ATG10: variants seen among roughly 807,000 people sequenced by gnomAD.
ATG10 encodes autophagy related 10.
In ATG10, 30 loss-of-function variants were observed where a neutral mutation model predicts 32.1. The observed-to-expected ratio is 0.94, with a 90% confidence interval of 0.70 to 1.27. ATG10 has a LOEUF of 1.27. Among genes scored for constraint, ATG10 ranks in the 50% most tolerant of loss-of-function variants. The probability of loss-of-function intolerance (pLI) is 0.00; values close to 1 mark genes in which losing one functional copy is unlikely to be tolerated. For missense variants in ATG10, 233 were observed against 262.3 expected (o/e 0.89, Z 0.77); for synonymous variants, 87 against 91.5 (o/e 0.95, Z 0.28).
At chr5:82,090,697 C>T (rs1764852668) in intron 3 of ATG10, among the ~76,000 whole-genome samples, 1 of 152,048 alleles carries the variant, frequency 6.6e-6, no homozygotes, top group African/African-American at 2.4e-5. Context: ...ATCAGTGTAT[C>T]AGTGCACTGC....
chr5:82,218,976 A>G lies in ATG10; in HGVS notation c.454-33586A>G, dbSNP rs1581816407. ...TACATGTCTCAGAGAAGATTGTCTC[A>G]GGTTGTTTTGAGACATATCAACAGT... On this transcript the variant is annotated intron_variant, in intron 5 of 7. Transcript: ENST00000282185. 2.0e-5 allele frequency among the ~76,000 whole-genome samples: 3 copies of G among 152,302 alleles called. No homozygotes were observed. In the East Asian group the frequency reaches 5.8e-4, roughly 29 times the overall value.
At chr5:82,218,240 C>G (rs534853078) in intron 5 of ATG10, among the ~76,000 whole-genome samples, 4 of 152,274 alleles carry the variant, frequency 2.6e-5, no homozygotes, top group Non-Finnish European at 1.5e-5. Context: ...AGTTTATAGC[C>G]CCACAGATTA....
At chr5:82,119,802 A>C (rs1402871520) in intron 3 of ATG10, among the ~76,000 whole-genome samples, 1 of 152,132 alleles carries the variant, frequency 6.6e-6, no homozygotes, top group Non-Finnish European at 1.5e-5. Flanking sequence ...TAAATACCAC[A>C]ATCTTGTTTT....
intron 1 of ATG10, among the ~76,000 whole-genome samples, chr5:81,980,277 T>C (rs187708092): frequency 5.7e-4 from 87 of 152,302 alleles, no homozygotes; most frequent in Non-Finnish European, 1.0e-3. Context: ...ATATTCCTAG[T>C]GTAAGTCCAT....
At chr5:82,048,674 T>C (rs1037902712) in intron 2 of ATG10, among the ~76,000 whole-genome samples, 2 of 151,842 alleles carry the variant, frequency 1.3e-5, no homozygotes, top group Admixed American at 6.6e-5. Flanking sequence ...ATATCCAGAA[T>C]CTACAATGGA....
At chr5:82,232,977 C>T (rs1746425645) in intron 5 of ATG10, among the ~76,000 whole-genome samples, 1 of 152,148 alleles carries the variant, frequency 6.6e-6, no homozygotes, top group Non-Finnish European at 1.5e-5. Flanking sequence ...ACATCTAGTT[C>T]ACTCCCTTCT....
intron 2 of ATG10, among the ~76,000 whole-genome samples, chr5:82,045,066 G>T (rs1020130306): frequency 6.6e-6 from 1 of 152,098 alleles, no homozygotes; most frequent in Non-Finnish European, 1.5e-5. Flanking sequence ...TTTCTCTAGC[G>T]GGGATACTTA....
chr5:82,161,586 A>C (rs1234322489), intron 3 of ATG10, among the ~76,000 whole-genome samples: 1 of 152,048 alleles, frequency 6.6e-6, no homozygotes, highest in Non-Finnish European at 1.5e-5. Flanking sequence ...CTATTTCTGC[A>C]CTTTTCTATA....
At chr5:81,999,903 A>G (rs1761800344) in intron 2 of ATG10, among the ~76,000 whole-genome samples, 1 of 152,232 alleles carries the variant, frequency 6.6e-6, no homozygotes, top group Non-Finnish European at 1.5e-5. Flanking sequence ...ACCAACCAGT[A>G]AAAGCCCAGG....
At chr5:82,128,918 G>C (rs1766393703) in intron 3 of ATG10, among the ~76,000 whole-genome samples, 1 of 151,662 alleles carries the variant, frequency 6.6e-6, no homozygotes. Flanking sequence ...TTGCTAGGTT[G>C]GGGATGTTCT....
intron 3 of ATG10, among the ~76,000 whole-genome samples, chr5:82,106,941 A>T (rs1765462418): frequency 6.6e-6 from 1 of 151,968 alleles, no homozygotes; most frequent in South Asian, 2.1e-4. Context: ...AGTATAGAAA[A>T]GGTTCTTTCA....
At chr5:81,995,990 A>G (rs1311743771) in intron 2 of ATG10, among the ~76,000 whole-genome samples, 1 of 152,188 alleles carries the variant, frequency 6.6e-6, no homozygotes, top group Non-Finnish European at 1.5e-5. Flanking sequence ...GATCTAGATA[A>G]CTAGTTGCGA....
At position 82,009,979 on chromosome 5, in the gene ATG10, G is replaced by A; in HGVS notation, c.108+22301G>A. 8 of 1,611,566 alleles carry A rather than the reference G, an allele frequency of 5.0e-6. No individual in the cohort carries two copies. In the South Asian group the frequency reaches 8.8e-5, roughly 18 times the overall value. Reference sequence around the variant, plus strand: ...CCAAATCCTTTCTCTCCAGTGCTCAGAGCATGAAAATTTTCTGCTGTCTTT... The same window carrying A: ...CCAAATCCTTTCTCTCCAGTGCTCAAAGCATGAAAATTTTCTGCTGTCTTT... On this transcript the variant is annotated intron_variant, in intron 2 of 7. Coordinates refer to ENST00000282185, the MANE Select transcript of ATG10 (RefSeq NM_031482.5).
At chr5:82,032,653 C>A (rs1289452870) in intron 2 of ATG10, among the ~76,000 whole-genome samples, 1 of 151,856 alleles carries the variant, frequency 6.6e-6, no homozygotes, top group Non-Finnish European at 1.5e-5. Context: ...TGTCTGCTAA[C>A]TCCCAATCTC....
At position 82,255,160 on chromosome 5, in the gene ATG10, C is replaced by A. The variant is rs371319781; in HGVS notation, c.*1097C>A. 2.6e-5 allele frequency: 4 copies of A among 152,248 alleles called. No homozygotes were observed. The highest frequency in any genetic ancestry group is 4.4e-5 in the Non-Finnish European group (3 of 68,014). The allele number at this position is 152,248 out of a possible 1,614,324, so 9.4% of individuals were successfully genotyped here. A position where few individuals can be genotyped will look rare whatever the true frequency, so the allele number is the denominator to read the frequency against. On this transcript the variant is annotated 3_prime_UTR_variant, in exon 8 of 8. Transcript: ENST00000282185. The stretch of plus-strand genomic sequence containing the variant: ...GCTGTACTCTTTGAGGGCTCTTGAG[C>A]GAGTCTTCATGTCCCTGAGACTTAT...
chr5:82,255,226 G>C lies in ATG10; in HGVS notation c.*1163G>C, dbSNP rs1747422014. On this transcript the variant is annotated 3_prime_UTR_variant, in exon 8 of 8. Transcript: ENST00000282185. ...TTTGAAACTAACAAGCTACCTCATA[G>C]GGTTGCTGTGAGAACCACATGAGAT... The C allele has an allele frequency of 6.6e-6, 1 of 152,118 alleles. No individual in the cohort carries two copies. The highest frequency in any genetic ancestry group is 2.1e-4 in the South Asian group (1 of 4,824). 9.4% of individuals were successfully genotyped at this position (152,118 alleles called of 1,614,324 possible).
intron 5 of ATG10, among the ~76,000 whole-genome samples, chr5:82,231,862 G>A (rs1746379779): frequency 6.6e-6 from 1 of 152,180 alleles, no homozygotes; most frequent in Admixed American, 6.5e-5. Context: ...TGGAGTATTA[G>A]AAATTTATAC....
chr5:82,016,299 G>A (rs1015190069), intron 2 of ATG10, among the ~76,000 whole-genome samples: 8 of 152,120 alleles, frequency 5.3e-5, no homozygotes, highest in Non-Finnish European at 1.0e-4. Context: ...TCTTTTACAT[G>A]TGGCTTGCCG....
At chr5:82,082,593 T>C (rs191238069) in intron 3 of ATG10, among the ~76,000 whole-genome samples, 179 of 152,296 alleles carry the variant, frequency 1.2e-3, no homozygotes, top group Admixed American at 2.2e-3. Flanking sequence ...TTTTTTTCCC[T>C]TTTTAAAGTA....
Sources: allele counts gnomAD v4.1 joint callset (sites outside exome capture counted in the v4.1 genomes callset), GRCh38; gene constraint gnomAD v4.1.1; transcripts MANE v1.5; gene names NCBI Gene and HGNC (gene_info 2026-07-23, HGNC 2026-07-21).